The following JMJD1C variants were observed in gnomAD, a reference collection of about 807,000 sequenced individuals.
JMJD1C encodes the protein jumonji domain-containing protein 1C.
Under a neutral mutation model 245.3 loss-of-function variants are expected in JMJD1C, and 31 were observed. That is an observed-to-expected ratio of 0.13 (90% CI 0.09 to 0.17). The LOEUF is 0.17. Among genes scored for constraint, JMJD1C ranks in the 10% least tolerant of loss-of-function variants. The pLI, the probability that JMJD1C is intolerant of heterozygous loss-of-function variation, is 1.00. For synonymous variants in JMJD1C, 1,057 were observed against 1,017.4 expected, an observed-to-expected ratio of 1.04 and a Z score of -0.74; for missense variants, 2,691 against 3,000.2, an observed-to-expected ratio of 0.90 and a Z score of 2.41.
At chr10:63,270,002 C>T (rs920728907) in intron 2 of JMJD1C, among the ~76,000 whole-genome samples, 5 of 152,054 alleles carry the variant, frequency 3.3e-5, no homozygotes, top group Non-Finnish European at 5.9e-5. Flanking sequence ...AGAGGTATCT[C>T]ATGAATAATT....
intron 2 of JMJD1C, among the ~76,000 whole-genome samples, chr10:63,357,788 GATGCTGTGTTTAAA>G (rs1944972382): frequency 6.7e-6 from 1 of 149,086 alleles, no homozygotes. Flanking sequence ...ACACAGATAG[GATGCTGTGTTTAAA>G]ATGTCAAAAG....
intron 1 of JMJD1C, among the ~76,000 whole-genome samples, chr10:63,499,763 T>A (rs1158734904): frequency 1.3e-5 from 2 of 152,242 alleles, no homozygotes; most frequent in Non-Finnish European, 2.9e-5. Context: ...TTCAAATGTC[T>A]GAACTTTATT....
intron 1 of JMJD1C, chr10:63,427,550 T>C (rs994134806): frequency 2.6e-5 from 37 of 1,400,806 alleles, no homozygotes; most frequent in Admixed American, 5.1e-5. Flanking sequence ...GAGGACTCTA[T>C]TGTGGACCCA....
Position 63,208,632 on chromosome 10 carries a change from C to G in JMJD1C, c.3037G>C (p.Glu1013Gln). ...QLQRPPQETG[E>Q]RLNKYKEEHR... ...TCCTCTTTGTATTTGTTTAACCTCTCTCCAGTCTCCTGGGGTGGCCTCTGT... is the reference window on the plus strand; with the variant it reads ...TCCTCTTTGTATTTGTTTAACCTCTGTCCAGTCTCCTGGGGTGGCCTCTGT... Residue 1013 changes from glutamate (E) to glutamine (Q), a missense_variant, in exon 10 of 26, where the codon GAG (glutamate) becomes CAG (glutamine). By Grantham distance (29) the Glu-to-Gln change is conservative. Around this residue, in one of 9 missense-constraint regions of JMJD1C, gnomAD observed 1,562 missense variants for 1,490.7 expected, o/e 1.05. Coordinates refer to ENST00000399262, the MANE Select transcript of JMJD1C (RefSeq NM_032776.3). The G allele has an allele frequency of 6.2e-7, 1 of 1,614,100 alleles. No individual in the cohort carries two copies. The highest frequency in any genetic ancestry group is 8.5e-7 in the Non-Finnish European group (1 of 1,179,964).
At chr10:63,221,862 C>T (rs1848636866) in intron 3 of JMJD1C, among the ~76,000 whole-genome samples, 1 of 152,188 alleles carries the variant, frequency 6.6e-6, no homozygotes, top group Non-Finnish European at 1.5e-5. Flanking sequence ...GCTGGGGTTA[C>T]AGGAGCATGC....
intron 2 of JMJD1C, among the ~76,000 whole-genome samples, chr10:63,323,081 G>A (rs974733887): frequency 1.4e-4 from 22 of 152,000 alleles, no homozygotes; most frequent in Non-Finnish European, 2.2e-4. Context: ...AAGAACTGCC[G>A]CCTTGGGCAA....
intron 17 of JMJD1C, 122 bp from the exon 18 acceptor site, chr10:63,189,568 A>T: frequency 1.3e-6 from 1 of 794,032 alleles, no homozygotes; most frequent in South Asian, 1.9e-5. Context: ...CACTTCTCTT[A>T]GATTTGAGTT....
At chr10:63,389,456 C>CTT (rs201032087) in intron 1 of JMJD1C, among the ~76,000 whole-genome samples, 1 of 139,474 alleles carries the variant, frequency 7.2e-6, no homozygotes, top group African/African-American at 2.6e-5. Context: ...TTTTTTTTTC[C>CTT]TTTTTTTTTT....
rs545248751 is a variant in JMJD1C at position 63,287,715 on chromosome 10, A to G, written c.334-22951T>C. Among the ~76,000 whole-genome samples, 15 of 152,132 alleles carry G rather than the reference A, an allele frequency of 9.9e-5. No homozygotes were observed. In the South Asian group the frequency reaches 3.1e-3, roughly 32 times the overall value. ...TGTAATTATTTGCAAATATTTATAAATATGTGTTCTTTTCCCCTTAAAAGA... is the reference window on the plus strand; with the variant it reads ...TGTAATTATTTGCAAATATTTATAAGTATGTGTTCTTTTCCCCTTAAAAGA... On this transcript the variant is annotated intron_variant, in intron 2 of 25. Coordinates refer to ENST00000399262, the MANE Select transcript of JMJD1C (RefSeq NM_032776.3).
Position 63,185,635 on chromosome 10 carries a change from C to T in JMJD1C, c.6758G>A (p.Ser2253Asn), listed in dbSNP as rs1232367321. The T allele has an allele frequency of 6.2e-6, 10 of 1,600,958 alleles. 1 individual carries two copies. In the South Asian group the frequency reaches 7.7e-5, roughly 12 times the overall value. The change falls in exon 20 of 26, where the codon AGT becomes AAT. Residue 2253 changes from serine to asparagine, a missense_variant. Transcript: ENST00000399262. The part of the protein sequence containing the change: ...EEVSKRQKNK[S>N]GETVVLKLKD... ...CAATTTTAAAACAACTGTTTCTCCA[C>T]TCTTGTTTTTCTGCCGTTCTATAAG...
chr10:63,451,173 A>C (rs920537193), intron 1 of JMJD1C, among the ~76,000 whole-genome samples: 2 of 152,246 alleles, frequency 1.3e-5, no homozygotes, highest in African/African-American at 4.8e-5. Context: ...TGTGGATCAG[A>C]AAATCCGATA....
intron 1 of JMJD1C, among the ~76,000 whole-genome samples, chr10:63,511,411 G>A (rs1954868098): frequency 6.6e-6 from 1 of 152,156 alleles, no homozygotes; most frequent in African/African-American, 2.4e-5. Context: ...ACTAAAAGCA[G>A]ATAGAAAATA....
At chr10:63,429,064 T>A (rs914488277) in intron 1 of JMJD1C, among the ~76,000 whole-genome samples, 1 of 152,192 alleles carries the variant, frequency 6.6e-6, no homozygotes, top group African/African-American at 2.4e-5. Context: ...TACCGTAACC[T>A]CTACCTCCCG....
At chr10:63,361,445 A>G (rs2134361400) in intron 2 of JMJD1C, among the ~76,000 whole-genome samples, 1 of 152,316 alleles carries the variant, frequency 6.6e-6, no homozygotes, top group Non-Finnish European at 1.5e-5. Context: ...AAGTACATAA[A>G]CAAATGAACA....
Position 63,186,321 on chromosome 10 carries a change from A to G in JMJD1C, c.6633T>C (p.Ile2211=), listed in dbSNP as rs755942231. Residue 2211 remains isoleucine (I), a synonymous_variant, in exon 19 of 26, where the codon ATT becomes ATC. Coordinates refer to ENST00000399262, the MANE Select transcript of JMJD1C (RefSeq NM_032776.3). Reference sequence around the variant, plus strand: ...CTTGGTGGTCTCCAAAATCAAGACTAATTGATTCCGCCTTCCATAGGCTAA... The same window carrying G: ...CTTGGTGGTCTCCAAAATCAAGACTGATTGATTCCGCCTTCCATAGGCTAA... ...MNISLWKAES[I]SLDFGDHQAD... is the part of the protein sequence containing the mutation. 3.1e-6 allele frequency: 5 copies of G among 1,612,674 alleles called. No individual in the cohort carries two copies. Among genetic ancestry groups the G allele is most frequent in the Non-Finnish European group, 2.5e-6 (3 of 1,178,842 alleles).
chr10:63,372,223 T>C (rs757542251), intron 2 of JMJD1C, among the ~76,000 whole-genome samples: 26 of 152,186 alleles, frequency 1.7e-4, no homozygotes, highest in Admixed American at 3.9e-4. Context: ...GTCATCACAA[T>C]TCCTGGTTGA....
chr10:63,360,436 T>G (rs1485340277), intron 2 of JMJD1C, among the ~76,000 whole-genome samples: 2 of 152,250 alleles, frequency 1.3e-5, no homozygotes, highest in Non-Finnish European at 2.9e-5. Flanking sequence ...TAATCTACTC[T>G]GTGGATATGT....
intron 2 of JMJD1C, among the ~76,000 whole-genome samples, chr10:63,332,618 C>T (rs1470241261): frequency 6.6e-6 from 1 of 152,142 alleles, no homozygotes; most frequent in Non-Finnish European, 1.5e-5. Flanking sequence ...CCAGGTTTCT[C>T]AATTACAAAA....
chr10:63,177,955 G>T, intron 22 of JMJD1C, 99 bp from the exon 23 acceptor site: 1 of 1,270,008 alleles, frequency 7.9e-7, no homozygotes, highest in Non-Finnish European at 1.1e-6. Flanking sequence ...GCCTGACTAG[G>T]ATCAGTACTT....
Sources: allele counts gnomAD v4.1 joint callset (sites outside exome capture counted in the v4.1 genomes callset), GRCh38; gene constraint gnomAD v4.1.1; regional missense constraint gnomAD v4.1.1; transcripts MANE v1.5; gene names NCBI Gene and HGNC (gene_info 2026-07-23, HGNC 2026-07-21).